Variants in CCDC83 observed in about 807,000 individuals in gnomAD.
CCDC83 encodes coiled-coil domain containing 83, also known as coiled-coil domain-containing protein 83.
CCDC83 carries 54 observed loss-of-function variants against 50.1 expected under a neutral mutation model. The ratio of observed to expected loss-of-function variants is 1.08; its 90% CI spans 0.87 to 1.35. The LOEUF is 1.35. CCDC83 is among the 40% of genes most tolerant of loss of function. CCDC83 has a pLI of 0.00. For synonymous variants in CCDC83, 161 were observed against 153.3 expected, an observed-to-expected ratio of 1.05 and a Z score of -0.37; for missense variants, 518 against 473.9, an observed-to-expected ratio of 1.09 and a Z score of -0.86.
At chr11:85,912,375 T>G (rs976555556) in intron 8 of CCDC83, among the ~76,000 whole-genome samples, 3 of 152,186 alleles carry the variant, frequency 2.0e-5, no homozygotes, top group Non-Finnish European at 4.4e-5. Context: ...GGCTAAATGA[T>G]GGGTGTCAGG....
intron 3 of CCDC83, among the ~76,000 whole-genome samples, chr11:85,876,054 T>G (rs2093267524): frequency 6.6e-6 from 1 of 152,176 alleles, no homozygotes; most frequent in Admixed American, 6.5e-5. Context: ...AGCAGCCACT[T>G]CCTTTATCTT....
chr11:85,903,966 T>TA (rs1476267527), intron 7 of CCDC83, among the ~76,000 whole-genome samples: 1 of 151,240 alleles, frequency 6.6e-6, no homozygotes, highest in African/African-American at 2.4e-5. Flanking sequence ...GACTCTGTCT[T>TA]AAAAAATCAA....
chr11:85,888,123 T>C (rs1174964748), intron 5 of CCDC83, among the ~76,000 whole-genome samples: 2 of 152,232 alleles, frequency 1.3e-5, no homozygotes, highest in Non-Finnish European at 2.9e-5. Flanking sequence ...TGTCTCATTT[T>C]CCTATGACAA....
rs74815731 is a variant in CCDC83 at position 85,907,709 on chromosome 11, C to T, written c.673-3572C>T. On this transcript the variant is annotated intron_variant, in intron 7 of 10. Coordinates refer to ENST00000342404, the MANE Select transcript of CCDC83 (RefSeq NM_001286159.2). The stretch of plus-strand genomic sequence containing the variant: ...ATGAAAAAGAAGTAGTTTTTATTCC[C>T]TAACATTTCAAAAGGCCGAGGGAGA... Among the ~76,000 whole-genome samples the T allele has an allele frequency of 2.8e-4, 43 of 152,210 alleles. No individual in the cohort carries two copies. In the East Asian group the frequency reaches 7.5e-3, roughly 27 times the overall value.
Position 85,895,264 on chromosome 11 carries a change from CTTTTTTTTTT to C in CCDC83, c.512-14_512-5del, listed in dbSNP as rs10594256. The C allele has an allele frequency of 5.0e-4, 182 of 363,088 alleles. 1 individual carries two copies. In the Middle Eastern group the frequency reaches 7.1e-3, roughly 14 times the overall value. The allele number at this position is 363,088 out of a possible 1,614,324, so 22.5% of individuals were successfully genotyped here. On this transcript the variant is annotated intron_variant, in intron 5 of 10. Transcript: ENST00000342404. ...CATGCTTGATAAGGCTTTTAATTTT[CTTTTTTTTTT>C]TTTTTTTTTTTTTTAAAGAACACTA...
chr11:85,867,313 T>C (rs144662783), intron 2 of CCDC83, among the ~76,000 whole-genome samples: 1,718 of 152,290 alleles, frequency 0.011, 14 homozygotes, highest in Middle Eastern at 0.031. Context: ...ATTTCAGGCA[T>C]GAGCCACCTC....
At chr11:85,895,679 T>C (rs1377752695) in intron 6 of CCDC83, among the ~76,000 whole-genome samples, 1 of 152,242 alleles carries the variant, frequency 6.6e-6, no homozygotes, top group Non-Finnish European at 1.5e-5. Flanking sequence ...AATTTGTTAC[T>C]TAGCTTTTCT....
intron 7 of CCDC83, among the ~76,000 whole-genome samples, chr11:85,905,969 C>CAAA (rs760367430): frequency 0.014 from 664 of 47,300 alleles, 30 homozygotes; most frequent in African/African-American, 0.043. Flanking sequence ...GACTCCGTCT[C>CAAA]AAAAAAAAAA....
chr11:85,915,401 T>A lies in CCDC83; in HGVS notation c.795-18T>A. On this transcript the variant is annotated intron_variant, in intron 8 of 10. Coordinates refer to ENST00000342404, the MANE Select transcript of CCDC83 (RefSeq NM_001286159.2). ...TATTTATTGACTGACAGATTGTTTT[T>A]CTCATTTGTTCTTTTAGGCGACTAT... The A allele has an allele frequency of 6.3e-7, 1 of 1,576,428 alleles. No homozygotes were observed. The highest frequency in any genetic ancestry group is 8.7e-7 in the Non-Finnish European group (1 of 1,151,206).
At chr11:85,889,609 A>G (rs932515154) in intron 5 of CCDC83, among the ~76,000 whole-genome samples, 2 of 152,228 alleles carry the variant, frequency 1.3e-5, no homozygotes, top group Admixed American at 6.5e-5. Flanking sequence ...CTAACTGGAC[A>G]CAATGAATAT....
intron 2 of CCDC83, among the ~76,000 whole-genome samples, chr11:85,866,450 G>C (rs897347815): frequency 6.6e-6 from 1 of 152,128 alleles, no homozygotes; most frequent in Non-Finnish European, 1.5e-5. Flanking sequence ...CCCTTTGAGA[G>C]GCCAAGGCAG....
chr11:85,860,533 A>G (rs75639684), intron 1 of CCDC83, among the ~76,000 whole-genome samples: 24,220 of 152,218 alleles, frequency 0.16, 2,112 homozygotes, highest in Middle Eastern at 0.2. Context: ...GAACACTTAT[A>G]CACTGCTGGT....
intron 7 of CCDC83, among the ~76,000 whole-genome samples, chr11:85,906,270 T>G (rs559814350): frequency 1.3e-5 from 2 of 152,150 alleles, no homozygotes; most frequent in South Asian, 4.1e-4. Context: ...TTTCATCATG[T>G]TGGTCAGGCT....
rs763479696 is a variant in CCDC83, at chr11:85,895,273, T to A, written c.512-20T>A. On this transcript the variant is annotated intron_variant, in intron 5 of 10. Coordinates refer to ENST00000342404, the MANE Select transcript of CCDC83 (RefSeq NM_001286159.2). ...TAAGGCTTTTAATTTTCTTTTTTTT[T>A]TTTTTTTTTTTTTTTAAAGAACACT... The A allele has an allele frequency of 3.0e-5, 25 of 840,124 alleles. No individual in the cohort carries two copies. Among genetic ancestry groups the A allele is most frequent in the Non-Finnish European group, 3.2e-5 (18 of 558,264 alleles). 52.0% of individuals were successfully genotyped at this position (840,124 alleles called of 1,614,324 possible).
At chr11:85,864,150 G>A (rs546128283) in intron 1 of CCDC83, among the ~76,000 whole-genome samples, 1 of 152,288 alleles carries the variant, frequency 6.6e-6, no homozygotes, top group East Asian at 1.9e-4. Context: ...AGCATTTATT[G>A]TGTGTCTATT....
rs753559026 is a variant in CCDC83 at position 85,916,233 on chromosome 11, G to T, written c.1080G>T (p.Lys360Asn). 4 of 1,595,066 alleles carry T rather than the reference G, an allele frequency of 2.5e-6. No individual in the cohort carries two copies. Among genetic ancestry groups the T allele is most frequent in the South Asian group, 1.1e-5 (1 of 88,694 alleles). ...YLLYEDEKDF[K>N]DYVNLGPLGV... is the part of the protein sequence containing the mutation. ...TATATGAGGATGAGAAGGATTTCAA[G>T]GTAAGATTCATAACAACACAACTTT... Residue 360 changes from lysine (K) to asparagine (N), a missense_variant and splice_region_variant, in exon 10 of 11, where the codon AAG becomes AAT. By Grantham distance (94) the Lys-to-Asn change is moderately conservative (BLOSUM62 0). Coordinates refer to ENST00000342404, the MANE Select transcript of CCDC83 (RefSeq NM_001286159.2).
chr11:85,879,748 T>C (rs901686511), intron 3 of CCDC83, among the ~76,000 whole-genome samples: 2 of 152,086 alleles, frequency 1.3e-5, no homozygotes, highest in African/African-American at 4.8e-5. Context: ...GCCTCCTCAG[T>C]AGCTGGGATT....
At chr11:85,897,443 A>G (rs1165855949) in intron 6 of CCDC83, among the ~76,000 whole-genome samples, 2 of 152,218 alleles carry the variant, frequency 1.3e-5, no homozygotes. Context: ...TGGCTATTTT[A>G]TCATACAGTT....
chr11:85,917,166 GA>G (rs2093482878), intron 10 of CCDC83, among the ~76,000 whole-genome samples: 4 of 62,414 alleles, frequency 6.4e-5, no homozygotes, highest in Admixed American at 2.1e-4. Flanking sequence ...GAGAGAGAGA[GA>G]GAAAGAAAGA....
Sources: allele counts gnomAD v4.1 joint callset (sites outside exome capture counted in the v4.1 genomes callset), GRCh38; gene constraint gnomAD v4.1.1; transcripts MANE v1.5; gene names NCBI Gene and HGNC (gene_info 2026-07-23, HGNC 2026-07-21).